Variants in CD226 observed in about 807,000 individuals in gnomAD.
CD226 encodes the protein CD226 antigen.
CD226 carries 24 observed loss-of-function variants against 34.9 expected under a neutral mutation model. The observed-to-expected ratio is 0.69, with a 90% CI of 0.50 to 0.97. CD226 has a LOEUF of 0.97. Among genes scored for constraint, CD226 ranks in the 50% least tolerant of loss-of-function variants. The probability of loss-of-function intolerance (pLI) is 0.00; values close to 1 mark genes in which losing one functional copy is unlikely to be tolerated. For synonymous variants in CD226, 148 were observed against 147.4 expected (o/e 1.00, Z -0.03); for missense variants, 397 against 412.7 (o/e 0.96, Z 0.33).
chr18:69,925,382 C>T (rs2055508456), intron 2 of CD226, among the ~76,000 whole-genome samples: 1 of 152,178 alleles, frequency 6.6e-6, no homozygotes, highest in South Asian at 2.1e-4. Flanking sequence ...GCTAGAATTT[C>T]CTGGGTAGAT....
In CD226 at chr18:69,864,147, GT is replaced by G; in HGVS notation, c.*166del. On this transcript the variant is annotated 3_prime_UTR_variant, in exon 6 of 6. Transcript: ENST00000582621. The stretch of plus-strand genomic sequence containing the variant: ...AGTTAGAGTCAGGTTTTCTGAAACA[GT>G]TCTATGAAAAATGATTTTAGGTAAT... 1.6e-6 allele frequency: 1 copy of G among 615,128 alleles called. No individual in the cohort carries two copies. The highest frequency in any genetic ancestry group is 2.8e-6 in the Non-Finnish European group (1 of 358,170). The allele number at this position is 615,128 out of a possible 1,614,324, so 38.1% of individuals were successfully genotyped here. A position where few individuals can be genotyped will look rare whatever the true frequency, so the allele number is the denominator to read the frequency against.
chr18:69,913,815 C>A (rs2055354768), intron 2 of CD226, among the ~76,000 whole-genome samples: 1 of 152,054 alleles, frequency 6.6e-6, no homozygotes, highest in African/African-American at 2.4e-5. Flanking sequence ...AAGGGACCAG[C>A]CCTCTGAAAG....
At chr18:69,917,402 C>T (rs1599006848) in intron 2 of CD226, among the ~76,000 whole-genome samples, 1 of 152,292 alleles carries the variant, frequency 6.6e-6, no homozygotes, top group Non-Finnish European at 1.5e-5. Context: ...CACCATCTTT[C>T]CTTCCCTCCT....
intron 2 of CD226, among the ~76,000 whole-genome samples, chr18:69,920,939 A>C (rs2055443461): frequency 1.3e-5 from 2 of 152,194 alleles, no homozygotes; most frequent in Admixed American, 1.3e-4. Flanking sequence ...CTTTATACAA[A>C]AAAGTCATCT....
intron 1 of CD226, among the ~76,000 whole-genome samples, chr18:69,956,059 C>T (rs1244118660): frequency 6.6e-6 from 1 of 152,080 alleles, no homozygotes; most frequent in Non-Finnish European, 1.5e-5. Context: ...CCAGTAGAAC[C>T]CCACTTCCAG....
intron 2 of CD226, among the ~76,000 whole-genome samples, chr18:69,931,119 A>T (rs1049415116): frequency 6.6e-6 from 1 of 152,198 alleles, no homozygotes; most frequent in Non-Finnish European, 1.5e-5. Flanking sequence ...CATTCTCAGC[A>T]AACTATCACA....
In CD226 at chr18:69,857,272, C is replaced by T. The variant is rs1195711822; in HGVS notation, c.*7042G>A. The T allele has an allele frequency of 1.3e-5, 2 of 152,196 alleles. No homozygotes were observed. Among genetic ancestry groups the T allele is most frequent in the African/African-American group, 4.8e-5 (2 of 41,446 alleles). The allele number at this position is 152,196 out of a possible 1,614,324, so 9.4% of individuals were successfully genotyped here. ...ATCTCTATCTCTAGAAGCTACTGAG[C>T]CATTACATTTCTTTGTACATTTTTT... On this transcript the variant is annotated 3_prime_UTR_variant, in exon 6 of 6. Coordinates refer to ENST00000582621, the MANE Select transcript of CD226 (RefSeq NM_001303618.2).
Position 69,861,554 on chromosome 18 carries a change from G to GTATATATATATATATATATATATATA in CD226, c.*2759_*2760insTATATATATATATATATATATATATA, listed in dbSNP as rs112148497. 4.4e-3 allele frequency: 562 copies of GTATATATATATATATATATATATATA among 127,756 alleles called. 10 individuals carry two copies. The highest frequency in any genetic ancestry group is 6.2e-3 in the South Asian group (25 of 4,004). 7.9% of individuals were successfully genotyped at this position (127,756 alleles called of 1,614,324 possible). On this transcript the variant is annotated 3_prime_UTR_variant, in exon 6 of 6. Coordinates refer to ENST00000582621, the MANE Select transcript of CD226 (RefSeq NM_001303618.2). ...ATAAATTATATGTGTATATATATAT[G>GTATATATATATATATATATATATATA]TATATATATATATATATATGTAAAA...
chr18:69,948,748 A>G (rs952502683), upstream of CD226, among the ~76,000 whole-genome samples: 2 of 152,198 alleles, frequency 1.3e-5, no homozygotes, highest in Non-Finnish European at 2.9e-5. Context: ...TGTTTTGTAA[A>G]TAAGTCAACC....
chr18:69,870,141 C>A (rs889856282), intron 4 of CD226, among the ~76,000 whole-genome samples: 1 of 151,818 alleles, frequency 6.6e-6, no homozygotes, highest in East Asian at 1.9e-4. Flanking sequence ...GCCCCGAAAA[C>A]CAAGGTTCCC....
At chr18:69,960,692 C>A (rs942063413), upstream of CD226, among the ~76,000 whole-genome samples, 1 of 152,166 alleles carries the variant, frequency 6.6e-6, no homozygotes, top group South Asian at 2.1e-4. Flanking sequence ...TCAAGTGATC[C>A]GCCTGCCTCG....
intron 3 of CD226, among the ~76,000 whole-genome samples, chr18:69,890,192 C>T (rs17208063): frequency 0.072 from 11,012 of 152,256 alleles, 418 homozygotes; most frequent in Middle Eastern, 0.092. Flanking sequence ...TTAACATAAT[C>T]GGTCAAGAAC....
intron 2 of CD226, among the ~76,000 whole-genome samples, chr18:69,934,362 A>G (rs1018106118): frequency 2.0e-5 from 3 of 152,070 alleles, no homozygotes; most frequent in African/African-American, 4.8e-5. Context: ...TGTTGGTAGC[A>G]TATAGAATTT....
intron 2 of CD226, among the ~76,000 whole-genome samples, chr18:69,917,521 T>C (rs1343518297): frequency 6.6e-6 from 1 of 152,220 alleles, no homozygotes; most frequent in Non-Finnish European, 1.5e-5. Context: ...TTTTAGCCTA[T>C]ATGCACCTCT....
At chr18:69,924,725 C>G (rs1004037514) in intron 2 of CD226, among the ~76,000 whole-genome samples, 3 of 92,332 alleles carry the variant, frequency 3.2e-5, no homozygotes, top group Non-Finnish European at 7.1e-5. Context: ...ATCATTCAAA[C>G]TGGGGAGAAC....
chr18:69,880,348 G>GAA (rs1568164891), intron 3 of CD226, among the ~76,000 whole-genome samples: 1 of 83,198 alleles, frequency 1.2e-5, no homozygotes, highest in African/African-American at 3.0e-5. Context: ...AAGAAAGAAA[G>GAA]AAAGAAAGAA....
intron 3 of CD226, among the ~76,000 whole-genome samples, chr18:69,885,872 G>A (rs1682632018): frequency 1.3e-5 from 2 of 152,276 alleles, no homozygotes; most frequent in South Asian, 4.2e-4. Flanking sequence ...CATAGCATTG[G>A]CGTCAGCGAA....
intron 3 of CD226, among the ~76,000 whole-genome samples, chr18:69,879,109 A>G (rs1416780656): frequency 6.6e-6 from 1 of 152,216 alleles, no homozygotes; most frequent in Non-Finnish European, 1.5e-5. Context: ...TTCAAGGGCA[A>G]CAAAAGATCA....
At chr18:69,949,877 C>T (rs1408315249), upstream of CD226, among the ~76,000 whole-genome samples, 1 of 152,022 alleles carries the variant, frequency 6.6e-6, no homozygotes, top group African/African-American at 2.4e-5. Flanking sequence ...CACATATGCA[C>T]ACTGTCTCAC....
Sources: gnomAD v4.1 joint callset for allele counts (sites outside exome capture counted in the v4.1 genomes callset) on GRCh38, gnomAD v4.1.1 for gene constraint, MANE v1.5 for transcripts, NCBI Gene and HGNC (gene_info 2026-07-23, HGNC 2026-07-21) for gene names.